The following BICRA variants were observed in gnomAD, a reference collection of about 807,000 sequenced individuals.
BICRA encodes BRD4-interacting chromatin-remodeling complex-associated protein.
Under a neutral mutation model 96.9 loss-of-function variants are expected in BICRA, and 31 were observed. The observed-to-expected ratio is 0.32, with a 90% CI of 0.24 to 0.43. The LOEUF (loss-of-function observed/expected upper bound fraction) is 0.43. Ranked by LOEUF, BICRA falls within the 20% of genes least tolerant of loss-of-function variation. BICRA has a pLI of 1.00. For synonymous variants in BICRA, 1,350 were observed against 1,071.8 expected (o/e 1.26, Z -5.07); for missense variants, 2,283 against 2,190.3 (o/e 1.04, Z -0.84).
At chr19:47,691,696 C>A (rs116708929) in intron 7 of BICRA, among the ~76,000 whole-genome samples, 147 of 151,920 alleles carry the variant, frequency 9.7e-4, no homozygotes, top group African/African-American at 3.3e-3. Flanking sequence ...CCTGAGTGGC[C>A]GGGATTACAG....
intron 1 of BICRA, among the ~76,000 whole-genome samples, chr19:47,669,063 C>G (rs749086842): frequency 6.6e-6 from 1 of 151,892 alleles, no homozygotes; most frequent in Non-Finnish European, 1.5e-5. Flanking sequence ...GAGATCGCAT[C>G]ACTGCACTCC....
At chr19:47,608,976 G>A (rs1484720495), upstream of BICRA, 2 of 142,680 alleles carry the variant, frequency 1.4e-5, no homozygotes, top group East Asian at 4.2e-4. Context: ...TCCCCGGAAC[G>A]GGCGCGGGCC....
chr19:47,681,728 C>T (rs2123589883), intron 6 of BICRA, among the ~76,000 whole-genome samples: 1 of 152,154 alleles, frequency 6.6e-6, no homozygotes, highest in East Asian at 1.9e-4. Context: ...GAGACAGGGA[C>T]AGAGGGACAG....
chr19:47,639,723 C>A (rs553132226), intron 1 of BICRA, among the ~76,000 whole-genome samples: 30 of 148,984 alleles, frequency 2.0e-4, no homozygotes, highest in South Asian at 8.6e-4. Flanking sequence ...CTCATTGCAA[C>A]CTTGACCTCC....
At chr19:47,633,313 C>G (rs1340265814) in intron 1 of BICRA, among the ~76,000 whole-genome samples, 1 of 151,978 alleles carries the variant, frequency 6.6e-6, no homozygotes, top group African/African-American at 2.4e-5. Flanking sequence ...CTCCTGACCT[C>G]AAGTGATCCG....
chr19:47,647,636 G>A (rs1326183531), intron 1 of BICRA, among the ~76,000 whole-genome samples: 1 of 152,082 alleles, frequency 6.6e-6, no homozygotes, highest in Non-Finnish European at 1.5e-5. Flanking sequence ...TGTGGCCCAC[G>A]TTGCATGTTC....
At chr19:47,621,016 G>A (rs527494183) in intron 1 of BICRA, among the ~76,000 whole-genome samples, 1 of 152,044 alleles carries the variant, frequency 6.6e-6, no homozygotes, top group Admixed American at 6.6e-5. Context: ...TGTGAGCCTG[G>A]AGTCCTGTAC....
chr19:47,676,973 CA>C (rs935813830), intron 5 of BICRA, among the ~76,000 whole-genome samples: 2 of 152,068 alleles, frequency 1.3e-5, no homozygotes, highest in Non-Finnish European at 2.9e-5. Context: ...GTTAAGAGCT[CA>C]GGGGGTTACA....
Position 47,698,531 on chromosome 19 carries a change from T to A in BICRA, c.3249-103T>A. On this transcript the variant is annotated intron_variant, in intron 11 of 14. Transcript: ENST00000594866. The surrounding 1 kb of genome is among the most constrained non-coding windows in gnomAD (Gnocchi z 4.8). ...CCAAGTATTCCCCTTCCCGCTGTTG[T>A]GTTCAGTTGCGGCCTGGGGCTGAGG... The A allele has an allele frequency of 1.5e-6, 1 of 686,988 alleles. No individual in the cohort carries two copies. The highest frequency in any genetic ancestry group is 2.7e-6 in the Non-Finnish European group (1 of 373,532). 42.6% of individuals were successfully genotyped at this position (686,988 alleles called of 1,614,324 possible). A position where few individuals can be genotyped will look rare whatever the true frequency, so the allele number is the denominator to read the frequency against.
Position 47,698,586 on chromosome 19 carries a change from T to TC in BICRA, c.3249-41dup, listed in dbSNP as rs761559226. 7.3e-5 allele frequency: 52 copies of TC among 716,732 alleles called. No individual in the cohort carries two copies. The highest frequency in any genetic ancestry group is 2.8e-4 in the Middle Eastern group (1 of 3,588). The allele number at this position is 716,732 out of a possible 1,614,324, so 44.4% of individuals were successfully genotyped here. A position where few individuals can be genotyped will look rare whatever the true frequency, so the allele number is the denominator to read the frequency against. ...AGGGACTTCCCCTGGCCCTCACCCG[T>TC]CCCCCCCACCCTCCGCCGTGTGTGG... On this transcript the variant is annotated intron_variant, in intron 11 of 14. Transcript: ENST00000594866. The surrounding 1 kb of genome is among the most constrained non-coding windows in gnomAD (Gnocchi z 4.8).
chr19:47,631,356 T>A (rs1972219431), intron 1 of BICRA, among the ~76,000 whole-genome samples: 1 of 152,156 alleles, frequency 6.6e-6, no homozygotes, highest in African/African-American at 2.4e-5. Flanking sequence ...GCCTTCTCAG[T>A]AGCTGGGATT....
chr19:47,614,492 C>T (rs1971955353), intron 1 of BICRA, among the ~76,000 whole-genome samples: 1 of 152,192 alleles, frequency 6.6e-6, no homozygotes, highest in African/African-American at 2.4e-5. Context: ...TGGTGCATGG[C>T]TGTAATCCCA....
chr19:47,653,460 T>A (rs140616081), intron 1 of BICRA, among the ~76,000 whole-genome samples: 16 of 152,286 alleles, frequency 1.1e-4, no homozygotes, highest in Non-Finnish European at 2.1e-4. Flanking sequence ...CAATCCATTT[T>A]AGAACATTTT....
rs1972926635 is a variant in BICRA, at chr19:47,675,501, G to A, written c.85-350G>A. 1.3e-5 allele frequency among the ~76,000 whole-genome samples: 2 copies of A among 152,182 alleles called. No homozygotes were observed. The highest frequency in any genetic ancestry group is 4.1e-4 in the South Asian group (2 of 4,824). ...GAAGGGACAGGAGCTGTTGGACCACGAGTGACCACTCCTGAAGGCTGTGCT... is the reference window on the plus strand; with the variant it reads ...GAAGGGACAGGAGCTGTTGGACCACAAGTGACCACTCCTGAAGGCTGTGCT... On this transcript the variant is annotated intron_variant, in intron 4 of 14. Transcript: ENST00000594866. This position sits in a 1 kb window ranked among gnomAD's most constrained non-coding sequence, Gnocchi z 4.7.
intron 1 of BICRA, among the ~76,000 whole-genome samples, chr19:47,665,855 T>C (rs1046839330): frequency 6.6e-6 from 1 of 152,214 alleles, no homozygotes; most frequent in Non-Finnish European, 1.5e-5. Context: ...GGTACCTGGC[T>C]GAAGCAGGAG....
At chr19:47,632,804 G>A (rs946238715) in intron 1 of BICRA, among the ~76,000 whole-genome samples, 3 of 152,270 alleles carry the variant, frequency 2.0e-5, no homozygotes, top group South Asian at 2.1e-4. Context: ...AGGGAAAGGC[G>A]TGACTCAAGT....
At chr19:47,695,601 T>C (rs901158319) in intron 10 of BICRA, 127 bp downstream of exon 10, 2 of 619,738 alleles carry the variant, frequency 3.2e-6, no homozygotes, top group Admixed American at 5.6e-5. Flanking sequence ...ATCAGGCAGC[T>C]GAGACACCAC....
At chr19:47,611,280 T>C (rs1185308859) in intron 1 of BICRA, among the ~76,000 whole-genome samples, 1 of 152,144 alleles carries the variant, frequency 6.6e-6, no homozygotes, top group Non-Finnish European at 1.5e-5. Context: ...ATTTTTTTTT[T>C]CCCTGGGAGC....
At chr19:47,631,407 T>C (rs1043582257) in intron 1 of BICRA, among the ~76,000 whole-genome samples, 21 of 152,112 alleles carry the variant, frequency 1.4e-4, no homozygotes, top group Admixed American at 2.0e-4. Context: ...TTTGTATTTT[T>C]AGTAAAGACA....
Sources: allele counts gnomAD v4.1 joint callset (sites outside exome capture counted in the v4.1 genomes callset), GRCh38; gene constraint gnomAD v4.1.1; non-coding constraint Gnocchi (gnomAD v3.1); transcripts MANE v1.5; gene names NCBI Gene and HGNC (gene_info 2026-07-23, HGNC 2026-07-21).